GRIP1: variants seen among roughly 807,000 people sequenced by gnomAD.
GRIP1 encodes glutamate receptor-interacting protein 1.
A neutral mutation model predicts 129.9 loss-of-function variants in GRIP1; 45 were observed. That is an observed-to-expected ratio of 0.35 (90% CI 0.27 to 0.44). GRIP1 has a LOEUF of 0.44. GRIP1 is among the 20% of genes least tolerant of loss of function. The pLI is 1.00. For synonymous variants in GRIP1, 530 were observed against 520.8 expected (o/e 1.02, Z -0.24); for missense variants, 1,196 against 1,396.8 (o/e 0.86, Z 2.29).
chr12:66,669,061 A>G (rs983443085), intron 1 of GRIP1, among the ~76,000 whole-genome samples: 2 of 152,204 alleles, frequency 1.3e-5, no homozygotes, highest in African/African-American at 4.8e-5. Flanking sequence ...CATTATCTGA[A>G]ACACTCCAAG....
intron 7 of GRIP1, among the ~76,000 whole-genome samples, chr12:66,466,020 T>C (rs1262232008): frequency 6.6e-6 from 1 of 152,216 alleles, no homozygotes; most frequent in Non-Finnish European, 1.5e-5. Context: ...ATGATGTCTC[T>C]AGCCAAGTAG....
At chr12:66,697,026 G>A (rs1328256204) in intron 1 of GRIP1, among the ~76,000 whole-genome samples, 1 of 152,110 alleles carries the variant, frequency 6.6e-6, no homozygotes, top group Non-Finnish European at 1.5e-5. Context: ...CAACAGTGAA[G>A]TTTCAAACTA....
At chr12:66,538,218 T>TAA (rs368661628) in intron 4 of GRIP1, among the ~76,000 whole-genome samples, 3 of 144,562 alleles carry the variant, frequency 2.1e-5, no homozygotes, top group South Asian at 4.3e-4. Context: ...TTTTTTTTTT[T>TAA]AAACAGGGTT....
At chr12:66,939,496 T>C (rs1451187999) in intron 1 of GRIP1, among the ~76,000 whole-genome samples, 2 of 152,102 alleles carry the variant, frequency 1.3e-5, no homozygotes, top group Non-Finnish European at 2.9e-5. Context: ...ATTCAATACA[T>C]ATCCTGGCAA....
chr12:66,987,934 C>T (rs2042336910), intron 1 of GRIP1, among the ~76,000 whole-genome samples: 1 of 152,172 alleles, frequency 6.6e-6, no homozygotes, highest in South Asian at 2.1e-4. Context: ...TTCCTTTGTG[C>T]CCTCAGTAAA....
At chr12:66,862,805 G>A (rs1198457351) in intron 1 of GRIP1, among the ~76,000 whole-genome samples, 1 of 152,002 alleles carries the variant, frequency 6.6e-6, no homozygotes, top group East Asian at 1.9e-4. Flanking sequence ...ATGCAGTCTA[G>A]ATTCCATCTC....
At chr12:66,772,179 T>C (rs956548121) in intron 1 of GRIP1, among the ~76,000 whole-genome samples, 4 of 152,222 alleles carry the variant, frequency 2.6e-5, no homozygotes, top group African/African-American at 7.2e-5. Flanking sequence ...CATGTGCTCA[T>C]AGATGGCAGT....
At chr12:66,755,408 G>T (rs996587401) in intron 1 of GRIP1, among the ~76,000 whole-genome samples, 1 of 152,168 alleles carries the variant, frequency 6.6e-6, no homozygotes, top group African/African-American at 2.4e-5. Flanking sequence ...CCATACAGTG[G>T]TTTCTAATAT....
At chr12:66,539,544 G>GTTTTTTTTTTTTTTTTTTT (rs1250833017) in intron 3 of GRIP1, among the ~76,000 whole-genome samples, 9 of 67,664 alleles carry the variant, frequency 1.3e-4, no homozygotes, top group African/African-American at 4.9e-4. Flanking sequence ...ATCAAGAGAA[G>GTTTTTTTTTTTTTTTTTTT]CTTTTTTTTT....
chr12:66,570,104 CATGT>C (rs58598900), intron 2 of GRIP1, among the ~76,000 whole-genome samples: 73,015 of 150,664 alleles, frequency 0.48, 17,740 homozygotes, highest in Middle Eastern at 0.54. Context: ...GTAGGCATTG[CATGT>C]ATGTATGTAT....
chr12:66,812,228 G>A (rs897375030), intron 1 of GRIP1, among the ~76,000 whole-genome samples: 4 of 152,156 alleles, frequency 2.6e-5, no homozygotes, highest in Admixed American at 2.6e-4. Context: ...CCACTTCCCG[G>A]GTTCAAGCAA....
intron 1 of GRIP1, among the ~76,000 whole-genome samples, chr12:66,657,311 C>T (rs1446433997): frequency 3.3e-5 from 5 of 152,118 alleles, no homozygotes; most frequent in African/African-American, 7.2e-5. Flanking sequence ...CCCCATTCGC[C>T]GCCACACCAC....
chr12:66,885,261 C>G (rs527574100), intron 1 of GRIP1, among the ~76,000 whole-genome samples: 150 of 152,220 alleles, frequency 9.9e-4, no homozygotes, highest in African/African-American at 3.5e-3. Flanking sequence ...TGCCAGTGGG[C>G]GGGTCTCAAC....
intron 1 of GRIP1, among the ~76,000 whole-genome samples, chr12:66,717,588 A>T (rs2035931636): frequency 1.3e-5 from 2 of 152,164 alleles, no homozygotes; most frequent in Admixed American, 1.3e-4. Flanking sequence ...ATGTATTGCC[A>T]AAGTGATTTC....
chr12:66,884,745 T>C (rs538881998), intron 1 of GRIP1, among the ~76,000 whole-genome samples: 4 of 152,114 alleles, frequency 2.6e-5, no homozygotes, highest in Admixed American at 2.6e-4. Flanking sequence ...AAAGAAACAA[T>C]ATATAAAACA....
intron 1 of GRIP1, among the ~76,000 whole-genome samples, chr12:66,666,110 A>G (rs966044680): frequency 2.6e-5 from 4 of 152,194 alleles, no homozygotes; most frequent in Admixed American, 6.5e-5. Context: ...AAAAACTTAT[A>G]TTAATAACAT....
chr12:66,827,724 AT>A (rs1222408490), intron 1 of GRIP1, among the ~76,000 whole-genome samples: 4 of 152,184 alleles, frequency 2.6e-5, no homozygotes, highest in African/African-American at 9.7e-5. Flanking sequence ...CATGAAAAAA[AT>A]TCTCCCTTCC....
chr12:66,485,584 A>G (rs1383782963), intron 7 of GRIP1, among the ~76,000 whole-genome samples: 4 of 151,952 alleles, frequency 2.6e-5, no homozygotes, highest in Non-Finnish European at 5.9e-5. Flanking sequence ...GTTCTACATT[A>G]TTTATATTAT....
chr12:66,621,691 T>C (rs1179404913), intron 1 of GRIP1, among the ~76,000 whole-genome samples: 2 of 152,180 alleles, frequency 1.3e-5, no homozygotes, highest in South Asian at 2.1e-4. Flanking sequence ...CCACAGCAGC[T>C]ACACTATTTT....
Sources: gnomAD v4.1 joint callset for allele counts (sites outside exome capture counted in the v4.1 genomes callset) on GRCh38, gnomAD v4.1.1 for gene constraint, MANE v1.5 for transcripts, NCBI Gene and HGNC (gene_info 2026-07-23, HGNC 2026-07-21) for gene names.